The following FRMPD3 variants were observed in gnomAD, a reference collection of about 807,000 sequenced individuals.
FRMPD3 encodes the protein FERM and PDZ domain containing 3, also known as FERM and PDZ domain-containing protein 3.
Under a neutral mutation model 97.9 loss-of-function variants are expected in FRMPD3, and 42 were observed. The ratio of observed to expected loss-of-function variants is 0.43; its 90% confidence interval spans 0.34 to 0.55. The LOEUF is 0.55. Among genes scored for constraint, FRMPD3 ranks in the 20% least tolerant of loss-of-function variants. The probability of loss-of-function intolerance (pLI) is 0.03; values close to 1 mark genes in which losing one functional copy is unlikely to be tolerated. For missense variants in FRMPD3, 1,303 were observed against 1,457.7 expected (o/e 0.89, Z 1.73); for synonymous variants, 577 against 581.1 (o/e 0.99, Z 0.10).
chrX:107,586,250 C>T (rs1472565733), intron 13 of FRMPD3, among the ~76,000 whole-genome samples: 1 of 112,031 alleles, frequency 8.9e-6, no homozygotes, highest in African/African-American at 3.2e-5. Context: ...ATAGTATTCT[C>T]TGATGGCAGT....
chrX:107,465,960 CA>C (rs1359297119), intron 1 of FRMPD3, among the ~76,000 whole-genome samples: 1 of 111,705 alleles, frequency 9.0e-6, no homozygotes, highest in East Asian at 2.8e-4. Flanking sequence ...TTGTAATGCA[CA>C]TTAGCATATG....
At chrX:107,518,378 T>C (rs993004617) in intron 1 of FRMPD3, among the ~76,000 whole-genome samples, 2 of 111,306 alleles carry the variant, frequency 1.8e-5, no homozygotes, top group African/African-American at 6.6e-5. Flanking sequence ...ATATTGGGCA[T>C]TGAGATTTGG....
rs763745303 is a variant in FRMPD3 at position 107,565,264 on chromosome X, C to T, written c.1296+198C>T. On this transcript the variant is annotated intron_variant, in intron 12 of 14. Coordinates refer to ENST00000683843, the MANE Select transcript of FRMPD3 (RefSeq NM_001388459.1). ...TGCCATTTTGACCACATAATAAGGT[C>T]AGCCAGCACTAAGGAATGCTATGGA... Among the ~76,000 whole-genome samples the T allele has an allele frequency of 2.7e-5, 3 of 112,244 alleles. No homozygotes were observed. The South Asian group carries it at 1.1e-3, about 42-fold the overall frequency.
intron 13 of FRMPD3, among the ~76,000 whole-genome samples, chrX:107,582,483 A>G (rs1422180933): frequency 3.6e-5 from 4 of 112,217 alleles, no homozygotes; most frequent in South Asian, 7.4e-4. Flanking sequence ...ACCACACCTG[A>G]CCATCTTTTC....
intron 1 of FRMPD3, among the ~76,000 whole-genome samples, chrX:107,495,199 G>C (rs1921744634): frequency 9.0e-6 from 1 of 111,371 alleles, no homozygotes. Flanking sequence ...GTGCCTGACA[G>C]GCTCTTGCCC....
At chrX:107,493,630 A>G (rs777438696) in intron 1 of FRMPD3, among the ~76,000 whole-genome samples, 5 of 111,946 alleles carry the variant, frequency 4.5e-5, no homozygotes, top group Non-Finnish European at 7.5e-5. Flanking sequence ...AACGTTAGCT[A>G]TTTTTTATTC....
intron 14 of FRMPD3, among the ~76,000 whole-genome samples, chrX:107,599,768 C>T (rs1331210194): frequency 9.0e-6 from 1 of 111,103 alleles, no homozygotes; most frequent in Non-Finnish European, 1.9e-5. Flanking sequence ...GGCCTTTCAT[C>T]CCCTTCTTAT....
intron 1 of FRMPD3, among the ~76,000 whole-genome samples, chrX:107,502,103 G>A (rs982839344): frequency 9.0e-6 from 1 of 110,912 alleles, no homozygotes; most frequent in Non-Finnish European, 1.9e-5. Flanking sequence ...CGTTAACAAA[G>A]CAGCTCACAA....
intron 1 of FRMPD3, among the ~76,000 whole-genome samples, chrX:107,456,125 A>G (rs754982662): frequency 5.4e-5 from 6 of 110,390 alleles, no homozygotes; most frequent in Non-Finnish European, 1.1e-4. Flanking sequence ...GTACAGTGGC[A>G]TGATCATGGC....
At chrX:107,452,053 A>G (rs1931301348) in intron 1 of FRMPD3, among the ~76,000 whole-genome samples, 1 of 112,067 alleles carries the variant, frequency 8.9e-6, no homozygotes, top group East Asian at 2.8e-4. Flanking sequence ...AGGTGTTAAT[A>G]GCTGATAGAG....
intron 1 of FRMPD3, among the ~76,000 whole-genome samples, chrX:107,511,422 A>C (rs1233189877): frequency 2.7e-5 from 3 of 112,709 alleles, no homozygotes; most frequent in Admixed American, 9.3e-5. Context: ...GGAAATCAGC[A>C]GAGGGTGGGC....
At chrX:107,472,196 C>T (rs1302838980) in intron 1 of FRMPD3, among the ~76,000 whole-genome samples, 1 of 111,983 alleles carries the variant, frequency 8.9e-6, no homozygotes, top group East Asian at 2.8e-4. Context: ...TGATATTAGA[C>T]CTTTGTCAGA....
chrX:107,547,702 C>T (rs1308611757), intron 5 of FRMPD3, among the ~76,000 whole-genome samples: 2 of 111,594 alleles, frequency 1.8e-5, no homozygotes, highest in Non-Finnish European at 1.9e-5. Context: ...CATCACAGGT[C>T]GGGAGCCGGG....
intron 10 of FRMPD3, among the ~76,000 whole-genome samples, chrX:107,562,609 C>T (rs979708925): frequency 1.1e-4 from 12 of 111,245 alleles, no homozygotes; most frequent in Non-Finnish European, 1.9e-4. Context: ...TCACATGAGG[C>T]GATTAAGGAG....
Position 107,479,869 on chromosome X carries a change from G to C in FRMPD3, c.-8+29864G>C, listed in dbSNP as rs778026554. Among the ~76,000 whole-genome samples the C allele has an allele frequency of 1.9e-3, 209 of 108,142 alleles. 1 individual carries two copies. The highest frequency in any genetic ancestry group is 6.5e-3 in the African/African-American group (192 of 29,493). 93.9% of individuals were successfully genotyped at this position (108,142 alleles called of 115,157 possible). A position where few individuals can be genotyped will look rare whatever the true frequency, so the allele number is the denominator to read the frequency against. ...ACACACACACACACACACACACAGA[G>C]AGAGAGAGAGGGTGCAAAACTGGCC... On this transcript the variant is annotated intron_variant, in intron 1 of 14. Transcript: ENST00000683843.
intron 1 of FRMPD3, among the ~76,000 whole-genome samples, chrX:107,516,657 G>T (rs1184359179): frequency 9.0e-6 from 1 of 111,206 alleles, no homozygotes; most frequent in Non-Finnish European, 1.9e-5. Context: ...TGTGTTTTTT[G>T]GCTGCATAAA....
chrX:107,494,474 T>C (rs1289894465), intron 1 of FRMPD3, among the ~76,000 whole-genome samples: 1 of 111,805 alleles, frequency 8.9e-6, no homozygotes, highest in Non-Finnish European at 1.9e-5. Context: ...TTCTACTTGA[T>C]TTTTTTTCTG....
rs1259586091 is a variant in FRMPD3 at position 107,560,648 on chromosome X, A to C, written c.900-79A>C. 3 of 1,052,097 alleles carry C rather than the reference A, an allele frequency of 2.9e-6. No individual in the cohort carries two copies. The African/African-American group carries it at 5.7e-5, about 20-fold the overall frequency. The allele number at this position is 1,052,097 out of a possible 1,213,427, so 86.7% of individuals were successfully genotyped here. A position where few individuals can be genotyped will look rare whatever the true frequency, so the allele number is the denominator to read the frequency against. Reference sequence around the variant, plus strand: ...TCCTCCATCTCTACCTCTCAGATTCAGTCAATTTCTGTCTTACCATCTTCT... The same window carrying C: ...TCCTCCATCTCTACCTCTCAGATTCCGTCAATTTCTGTCTTACCATCTTCT... On this transcript the variant is annotated intron_variant, in intron 9 of 14. Coordinates refer to ENST00000683843, the MANE Select transcript of FRMPD3 (RefSeq NM_001388459.1).
chrX:107,504,804 G>A (rs143162270), intron 1 of FRMPD3, among the ~76,000 whole-genome samples: 210 of 111,987 alleles, frequency 1.9e-3, no homozygotes, highest in Non-Finnish European at 2.9e-3. Flanking sequence ...GGCCTCAAGT[G>A]GTTTCTACCC....
Sources: gnomAD v4.1 joint callset for allele counts (sites outside exome capture counted in the v4.1 genomes callset) on GRCh38, gnomAD v4.1.1 for gene constraint, MANE v1.5 for transcripts, NCBI Gene and HGNC (gene_info 2026-07-23, HGNC 2026-07-21) for gene names.